PTPRM: variants seen among roughly 807,000 people sequenced by gnomAD.
PTPRM encodes the protein protein tyrosine phosphatase receptor type M.
In PTPRM, 47 loss-of-function variants were observed where a neutral mutation model predicts 186.7. That is an observed-to-expected ratio of 0.25 (90% CI 0.20 to 0.32). The LOEUF (loss-of-function observed/expected upper bound fraction) is 0.32. Ranked by LOEUF, PTPRM falls within the 10% of genes least tolerant of loss-of-function variation. The pLI is 1.00. For missense variants in PTPRM, 1,494 were observed against 1,865.0 expected, an observed-to-expected ratio of 0.80 and a Z score of 3.66; for synonymous variants, 668 against 674.9, an observed-to-expected ratio of 0.99 and a Z score of 0.16.
At chr18:7,864,202 T>C (rs1006931604) in intron 2 of PTPRM, among the ~76,000 whole-genome samples, 1 of 152,248 alleles carries the variant, frequency 6.6e-6, no homozygotes, top group Non-Finnish European at 1.5e-5. Flanking sequence ...TTAGTTTAAT[T>C]AGATCCCATT....
chr18:7,831,588 T>TC lies in PTPRM; in HGVS notation c.197-56514dup, dbSNP rs1344213351. On this transcript the variant is annotated intron_variant, in intron 2 of 32. Coordinates refer to ENST00000580170, the MANE Select transcript of PTPRM (RefSeq NM_001105244.2). Reference sequence around the variant, plus strand: ...ACCACATCATGAAAAGGGGTATATATCCCCTCAAGCATTTGTCCTTTGTAT... The same window carrying TC: ...ACCACATCATGAAAAGGGGTATATATCCCCCTCAAGCATTTGTCCTTTGTAT... 5.9e-5 allele frequency among the ~76,000 whole-genome samples: 9 copies of TC among 152,032 alleles called. 1 individual carries two copies. The highest frequency in any genetic ancestry group is 2.9e-5 in the Non-Finnish European group (2 of 67,990).
chr18:7,913,642 C>A (rs182343420), intron 4 of PTPRM, among the ~76,000 whole-genome samples: 2 of 152,178 alleles, frequency 1.3e-5, no homozygotes, highest in Non-Finnish European at 2.9e-5. Flanking sequence ...TTAAAACAAC[C>A]TAGCAGTCCT....
intron 4 of PTPRM, among the ~76,000 whole-genome samples, chr18:7,917,955 T>G (rs1158614800): frequency 6.6e-6 from 1 of 152,192 alleles, no homozygotes; most frequent in Non-Finnish European, 1.5e-5. Context: ...TGTGCTTGGC[T>G]TATTTCACTT....
chr18:8,001,220 AG>A (rs1370126780), intron 7 of PTPRM, among the ~76,000 whole-genome samples: 1 of 152,168 alleles, frequency 6.6e-6, no homozygotes. Context: ...GTCTCTGCTG[AG>A]AAGGGCTGGC....
chr18:7,708,259 A>T (rs747294587), intron 1 of PTPRM, among the ~76,000 whole-genome samples: 22 of 152,248 alleles, frequency 1.4e-4, no homozygotes, highest in Non-Finnish European at 3.1e-4. Flanking sequence ...TTAACTATAC[A>T]TCAACCCAGT....
intron 1 of PTPRM, among the ~76,000 whole-genome samples, chr18:7,658,523 CTGTGTTAGGGG>C (rs1203469506): frequency 1.4e-4 from 21 of 152,100 alleles, no homozygotes; most frequent in African/African-American, 5.1e-4. Flanking sequence ...AAGTCACCAG[CTGTGTTAGGGG>C]TTGCATGTCT....
At chr18:8,130,621 A>T (rs1316220172) in intron 13 of PTPRM, among the ~76,000 whole-genome samples, 2 of 152,216 alleles carry the variant, frequency 1.3e-5, no homozygotes, top group Non-Finnish European at 2.9e-5. Flanking sequence ...TTAATGGTAC[A>T]GATGATAGGA....
intron 1 of PTPRM, among the ~76,000 whole-genome samples, chr18:7,607,846 C>T (rs1018390114): frequency 7.2e-5 from 11 of 152,342 alleles, no homozygotes; most frequent in Admixed American, 3.9e-4. Flanking sequence ...CCACACTGAA[C>T]ACGATTTCCT....
intron 7 of PTPRM, among the ~76,000 whole-genome samples, chr18:7,965,321 C>G (rs1315855558): frequency 6.6e-6 from 1 of 152,294 alleles, no homozygotes; most frequent in African/African-American, 2.4e-5. Context: ...ACTAGGATTA[C>G]ATGCATGTGC....
At chr18:7,900,993 T>C (rs1260622570) in intron 3 of PTPRM, among the ~76,000 whole-genome samples, 1 of 152,226 alleles carries the variant, frequency 6.6e-6, no homozygotes, top group Non-Finnish European at 1.5e-5. Flanking sequence ...ATCAATTTCT[T>C]ACACGTTTCT....
intron 7 of PTPRM, among the ~76,000 whole-genome samples, chr18:8,045,870 AC>A (rs2087012355): frequency 6.6e-6 from 1 of 152,160 alleles, no homozygotes; most frequent in Admixed American, 6.5e-5. Context: ...AGTGAGGAAA[AC>A]TAAGAATGAT....
At chr18:7,820,291 G>A (rs767019844) in intron 2 of PTPRM, among the ~76,000 whole-genome samples, 10 of 152,142 alleles carry the variant, frequency 6.6e-5, no homozygotes, top group South Asian at 4.1e-4. Flanking sequence ...GGGCCTGGCC[G>A]GGGATTGGTG....
intron 1 of PTPRM, among the ~76,000 whole-genome samples, chr18:7,710,402 A>C (rs907115264): frequency 1.3e-5 from 2 of 152,224 alleles, no homozygotes; most frequent in African/African-American, 4.8e-5. Context: ...AACTCAAAGT[A>C]ATAAAAGCCA....
At chr18:8,109,026 A>G (rs1343499633) in intron 11 of PTPRM, among the ~76,000 whole-genome samples, 3 of 151,970 alleles carry the variant, frequency 2.0e-5, no homozygotes, top group Non-Finnish European at 4.4e-5. Flanking sequence ...GCTTTTTAAA[A>G]CTCTTTCTAG....
At chr18:8,363,774 A>C (rs1286519944) in intron 23 of PTPRM, among the ~76,000 whole-genome samples, 1 of 152,050 alleles carries the variant, frequency 6.6e-6, no homozygotes, top group Non-Finnish European at 1.5e-5. Context: ...TTTCATCAAG[A>C]TGAGGTAAGA....
chr18:8,034,284 C>T (rs554339864), intron 7 of PTPRM, among the ~76,000 whole-genome samples: 13 of 152,092 alleles, frequency 8.5e-5, no homozygotes, highest in African/African-American at 2.9e-4. Context: ...TCACCCTATC[C>T]CAACATCTAA....
chr18:7,626,441 A>C (rs2038064734), intron 1 of PTPRM, among the ~76,000 whole-genome samples: 1 of 152,190 alleles, frequency 6.6e-6, no homozygotes, highest in Non-Finnish European at 1.5e-5. Context: ...AAATTCCACT[A>C]TCAGGGACTT....
At chr18:8,010,615 T>TGG (rs1600054321) in intron 7 of PTPRM, among the ~76,000 whole-genome samples, 2 of 152,110 alleles carry the variant, frequency 1.3e-5, no homozygotes, top group East Asian at 3.9e-4. Flanking sequence ...AGCACAGGAA[T>TGG]GGGGGCAGGT....
chr18:7,610,240 G>A (rs184900735), intron 1 of PTPRM, among the ~76,000 whole-genome samples: 104 of 152,264 alleles, frequency 6.8e-4, no homozygotes, highest in African/African-American at 2.4e-3. Flanking sequence ...TTTGCACAGT[G>A]GTTCTAAGTG....
Sources: allele counts gnomAD v4.1 joint callset (sites outside exome capture counted in the v4.1 genomes callset), GRCh38; gene constraint gnomAD v4.1.1; transcripts MANE v1.5; gene names NCBI Gene and HGNC (gene_info 2026-07-23, HGNC 2026-07-21).